PITPNM3: variants seen among roughly 807,000 people sequenced by gnomAD.
PITPNM3 encodes PITPNM family member 3, also known as membrane-associated phosphatidylinositol transfer protein 3.
PITPNM3 carries 26 observed loss-of-function variants against 102.0 expected under a neutral mutation model. That is an observed-to-expected ratio of 0.25 (90% confidence interval 0.19 to 0.35). The LOEUF (loss-of-function observed/expected upper bound fraction) is 0.35, where lower values mean the gene tolerates loss of function less well. Ranked by LOEUF, PITPNM3 falls within the 10% of genes least tolerant of loss-of-function variation. PITPNM3 has a pLI of 1.00. For synonymous variants in PITPNM3, 578 were observed against 558.6 expected (o/e 1.03, Z -0.49); for missense variants, 1,083 against 1,346.1 (o/e 0.80, Z 3.06).
intron 1 of PITPNM3, among the ~76,000 whole-genome samples, chr17:6,542,721 G>A (rs1909798350): frequency 6.6e-6 from 1 of 152,028 alleles, no homozygotes; most frequent in African/African-American, 2.4e-5. Flanking sequence ...GGCCTTGTCA[G>A]CGACAGGACC....
chr17:6,553,802 T>A (rs1910449152), intron 1 of PITPNM3, among the ~76,000 whole-genome samples: 1 of 151,298 alleles, frequency 6.6e-6, no homozygotes. Context: ...AGTCTGCCCA[T>A]CCGAGGCAGG....
chr17:6,471,667 C>T (rs1399981056), intron 11 of PITPNM3, among the ~76,000 whole-genome samples: 9 of 152,216 alleles, frequency 5.9e-5, no homozygotes, highest in African/African-American at 1.9e-4. Flanking sequence ...GCCTCTGGGA[C>T]GTTGCCCCAA....
rs886053296 is a variant in PITPNM3 at position 6,454,664 on chromosome 17, C to T, written c.*674G>A. 4.6e-5 allele frequency: 7 copies of T among 152,454 alleles called. No homozygotes were observed. The East Asian group carries it at 1.2e-3, about 25-fold the overall frequency. 9.4% of individuals were successfully genotyped at this position (152,454 alleles called of 1,614,324 possible). A position where few individuals can be genotyped will look rare whatever the true frequency, so the allele number is the denominator to read the frequency against. On this transcript the variant is annotated 3_prime_UTR_variant, in exon 20 of 20. Coordinates refer to ENST00000262483, the MANE Select transcript of PITPNM3 (RefSeq NM_031220.4). ...CTCCGGGAAGAGGAAGCCCTGGCCT[C>T]CAGGGCCACAGGGAAATGGTGAGGA... is the stretch of plus-strand genomic sequence containing the variant.
chr17:6,504,963 T>C (rs184688807), intron 3 of PITPNM3, among the ~76,000 whole-genome samples: 2,033 of 151,996 alleles, frequency 0.013, 23 homozygotes, highest in Non-Finnish European at 0.016. Context: ...TCACCTGAGG[T>C]CAGGGGTTTG....
intron 3 of PITPNM3, among the ~76,000 whole-genome samples, chr17:6,516,292 C>T (rs983765570): frequency 6.6e-6 from 1 of 152,052 alleles, no homozygotes; most frequent in Non-Finnish European, 1.5e-5. Flanking sequence ...GGCCGGGCGC[C>T]GTGGCTCATG....
intron 3 of PITPNM3, among the ~76,000 whole-genome samples, chr17:6,519,443 T>C (rs1245919408): frequency 2.8e-5 from 4 of 145,040 alleles, no homozygotes; most frequent in Non-Finnish European, 4.5e-5. Context: ...GACGTGAACC[T>C]GGGAGGCGGG....
rs1241323780 is a variant in PITPNM3 at position 6,486,869 on chromosome 17, T to C, written c.275-2577A>G. 2.0e-5 allele frequency among the ~76,000 whole-genome samples: 3 copies of C among 152,222 alleles called. No individual in the cohort carries two copies. The East Asian group carries it at 5.8e-4, about 29-fold the overall frequency. On this transcript the variant is annotated intron_variant, in intron 4 of 19. Coordinates refer to ENST00000262483, the MANE Select transcript of PITPNM3 (RefSeq NM_031220.4). ...CTCTCTAGTCCCCACAATTACTCTC[T>C]GAGTCTGAATGATCTTGTTATTAGC...
chr17:6,508,659 T>G (rs8079796), intron 3 of PITPNM3, among the ~76,000 whole-genome samples: 1 of 152,072 alleles, frequency 6.6e-6, no homozygotes, highest in African/African-American at 2.4e-5. Context: ...TCCAGAGGCT[T>G]GGGGACTGGC....
chr17:6,509,162 C>A (rs1907720647), intron 3 of PITPNM3, among the ~76,000 whole-genome samples: 1 of 152,146 alleles, frequency 6.6e-6, no homozygotes, highest in African/African-American at 2.4e-5. Context: ...ACTCACACAG[C>A]CCTGGAAGGC....
chr17:6,547,427 C>T (rs993436673), intron 1 of PITPNM3, among the ~76,000 whole-genome samples: 7 of 152,202 alleles, frequency 4.6e-5, no homozygotes, highest in African/African-American at 1.7e-4. Context: ...GAACAATTCT[C>T]CCAAGGCCCA....
intron 1 of PITPNM3, among the ~76,000 whole-genome samples, chr17:6,554,318 C>CAAAAAA (rs35188321): frequency 1.3e-5 from 1 of 74,554 alleles, no homozygotes; most frequent in African/African-American, 5.4e-5. Context: ...GACTCCATCT[C>CAAAAAA]AAAAAAAAAA....
chr17:6,516,623 T>G (rs2150629776), intron 3 of PITPNM3, among the ~76,000 whole-genome samples: 1 of 150,154 alleles, frequency 6.7e-6, no homozygotes, highest in East Asian at 1.9e-4. Context: ...AAAAGAAGGC[T>G]TCACAGTAGT....
intron 6 of PITPNM3, chr17:6,480,332 G>T (rs959182935): frequency 2.0e-5 from 3 of 152,250 alleles, no homozygotes; most frequent in African/African-American, 7.2e-5. Flanking sequence ...ATCTAGAGGG[G>T]GAAAAGGAAG....
Position 6,556,246 on chromosome 17 carries a change from G to A in PITPNM3, c.22+139C>T. 1.6e-6 allele frequency: 1 copy of A among 612,084 alleles called. No homozygotes were observed. The highest frequency in any genetic ancestry group is 2.3e-6 in the Non-Finnish European group (1 of 428,102). 37.9% of individuals were successfully genotyped at this position (612,084 alleles called of 1,614,324 possible). A position where few individuals can be genotyped will look rare whatever the true frequency, so the allele number is the denominator to read the frequency against. Reference sequence around the variant, plus strand: ...CCCCTCTCCACGCGCGGGAGGTCCAGCCCCGCTACCGCCCCCTACGCCCTC... The same window carrying A: ...CCCCTCTCCACGCGCGGGAGGTCCAACCCCGCTACCGCCCCCTACGCCCTC... On this transcript the variant is annotated intron_variant, in intron 1 of 19. Coordinates refer to ENST00000262483, the MANE Select transcript of PITPNM3 (RefSeq NM_031220.4). The surrounding 1 kb of genome is among the most constrained non-coding windows in gnomAD (Gnocchi z 5.2).
Position 6,452,839 on chromosome 17 carries a change from G to A in PITPNM3, c.*2499C>T, listed in dbSNP as rs570789855. 4 of 152,300 alleles carry A rather than the reference G, an allele frequency of 2.6e-5. No individual in the cohort carries two copies. The highest frequency in any genetic ancestry group is 9.6e-5 in the African/African-American group (4 of 41,558). 9.4% of individuals were successfully genotyped at this position (152,300 alleles called of 1,614,324 possible). ...GAACCAGAGCTGTTTCCAAAAGGAA[G>A]GGGTGGTGGCCCTCCTGCTGGGTCC... On this transcript the variant is annotated 3_prime_UTR_variant, in exon 20 of 20. Transcript: ENST00000262483.
rs780611896 is a variant in PITPNM3, at chr17:6,455,529, C to A, written c.2734G>T (p.Ala912Ser). 6.2e-7 allele frequency: 1 copy of A among 1,604,954 alleles called. No individual in the cohort carries two copies. Among genetic ancestry groups the A allele is most frequent in the Non-Finnish European group, 8.5e-7 (1 of 1,179,520 alleles). ...ILRKGSFGLHAQPEFLRKRNH... is the reference protein window; with the variant it reads ...ILRKGSFGLHSQPEFLRKRNH... The stretch of plus-strand genomic sequence containing the variant: ...CGCTTCCGCAGGAACTCTGGCTGCG[C>A]GTGCAGCCCGAAGCTGCCCTTGCGC... Residue 912 changes from alanine (A) to serine (S), a missense_variant, in exon 20 of 20, where the codon GCG becomes TCG. Coordinates refer to ENST00000262483, the MANE Select transcript of PITPNM3 (RefSeq NM_031220.4).
In PITPNM3 at chr17:6,556,541, A is replaced by G. The variant is rs1410654143; in HGVS notation, c.-135T>C. 2.1e-6 allele frequency: 1 copy of G among 466,380 alleles called. No homozygotes were observed. The highest frequency in any genetic ancestry group is 2.5e-5 in the African/African-American group (1 of 39,894). The allele number at this position is 466,380 out of a possible 1,614,324, so 28.9% of individuals were successfully genotyped here. Reference sequence around the variant, plus strand: ...CGCCCCGCTCGCCTCGGCTGCCGCCACCGCAGCCGCCGCCGCCTCGCCGCT... The same window carrying G: ...CGCCCCGCTCGCCTCGGCTGCCGCCGCCGCAGCCGCCGCCGCCTCGCCGCT... On this transcript the variant is annotated 5_prime_UTR_variant, in exon 1 of 20. Coordinates refer to ENST00000262483, the MANE Select transcript of PITPNM3 (RefSeq NM_031220.4). This position sits in a 1 kb window ranked among gnomAD's most constrained non-coding sequence, Gnocchi z 5.2.
chr17:6,510,559 T>G (rs772180472), intron 3 of PITPNM3, among the ~76,000 whole-genome samples: 8 of 152,206 alleles, frequency 5.3e-5, no homozygotes, highest in Non-Finnish European at 8.8e-5. Context: ...CACTTCTGAG[T>G]CATCTGTGTG....
intron 4 of PITPNM3, among the ~76,000 whole-genome samples, chr17:6,486,106 C>T (rs1255430806): frequency 6.6e-6 from 1 of 152,164 alleles, no homozygotes; most frequent in African/African-American, 2.4e-5. Context: ...CCCCTGAGCC[C>T]CCACCCAAAT....
Sources: allele counts gnomAD v4.1 joint callset (sites outside exome capture counted in the v4.1 genomes callset), GRCh38; gene constraint gnomAD v4.1.1; non-coding constraint Gnocchi (gnomAD v3.1); transcripts MANE v1.5; gene names NCBI Gene and HGNC (gene_info 2026-07-23, HGNC 2026-07-21).